Variants in MICAL3 observed in about 807,000 individuals in gnomAD.
MICAL3 encodes microtubule associated monooxygenase, calponin and LIM domain containing 3.
In MICAL3, 62 loss-of-function variants were observed where a neutral mutation model predicts 207.4. The observed-to-expected ratio is 0.30, with a 90% CI of 0.24 to 0.37. The LOEUF (loss-of-function observed/expected upper bound fraction) is 0.37. Ranked by LOEUF, MICAL3 falls within the 10% of genes least tolerant of loss-of-function variation. The probability of loss-of-function intolerance (pLI) is 1.00; values close to 1 mark genes in which losing one functional copy is unlikely to be tolerated. For missense variants in MICAL3, 2,368 were observed against 2,635.6 expected (o/e 0.90, Z 2.22); for synonymous variants, 1,077 against 1,069.3 (o/e 1.01, Z -0.14).
chr22:17,970,023 G>A (rs543597230), intron 1 of MICAL3, among the ~76,000 whole-genome samples: 1 of 152,192 alleles, frequency 6.6e-6, no homozygotes, highest in Non-Finnish European at 1.5e-5. Flanking sequence ...CCACATCTCT[G>A]CCCTGGCTGC....
At chr22:17,928,161 C>T (rs999844519) in intron 1 of MICAL3, among the ~76,000 whole-genome samples, 1 of 152,070 alleles carries the variant, frequency 6.6e-6, no homozygotes. Context: ...GTCCGTGGGC[C>T]GGGCGCGGTG....
intron 1 of MICAL3, among the ~76,000 whole-genome samples, chr22:17,961,443 C>A (rs1934909381): frequency 6.6e-6 from 1 of 152,170 alleles, no homozygotes; most frequent in African/African-American, 2.4e-5. Context: ...CCCCTTCCCC[C>A]TCAGATCTGA....
chr22:17,964,274 G>C (rs1036629370), intron 1 of MICAL3, among the ~76,000 whole-genome samples: 10 of 152,202 alleles, frequency 6.6e-5, no homozygotes, highest in Non-Finnish European at 1.2e-4. Context: ...GCATTCCACA[G>C]CACCAGGCTC....
chr22:17,888,203 T>C (rs191952190), intron 13 of MICAL3, among the ~76,000 whole-genome samples: 359 of 152,282 alleles, frequency 2.4e-3, no homozygotes, highest in African/African-American at 8.3e-3. Flanking sequence ...ACAAGATAGG[T>C]TGACGGAAAG....
chr22:17,941,994 C>G (rs1933828728), intron 1 of MICAL3, among the ~76,000 whole-genome samples: 1 of 152,234 alleles, frequency 6.6e-6, no homozygotes, highest in East Asian at 1.9e-4. Context: ...CGTCAACCAC[C>G]TGTGTGGCAA....
chr22:17,914,277 G>C (rs1472960694), intron 1 of MICAL3, among the ~76,000 whole-genome samples: 1 of 152,144 alleles, frequency 6.6e-6, no homozygotes, highest in East Asian at 1.9e-4. Flanking sequence ...TGGGTGGAGG[G>C]GGGTGCTAAA....
intron 24 of MICAL3, 117 bp from the exon 25 acceptor site, chr22:17,821,626 G>T (rs2305006): frequency 0.31 from 247,039 of 793,256 alleles, 40,382 homozygotes; most frequent in African/African-American, 0.35. Context: ...TCGCTGAGTC[G>T]GCTCCCAGTT....
chr22:17,954,603 C>T (rs1182528717), intron 1 of MICAL3, among the ~76,000 whole-genome samples: 2 of 152,182 alleles, frequency 1.3e-5, no homozygotes, highest in African/African-American at 4.8e-5. Context: ...ATTCAAAAGG[C>T]TGGCTAATGT....
chr22:17,834,414 C>G, intron 20 of MICAL3: 2 of 1,285,092 alleles, frequency 1.6e-6, no homozygotes, highest in Non-Finnish European at 2.0e-6. Flanking sequence ...AAAGGTGACA[C>G]AGAAAAGACT....
At chr22:17,918,390 C>T (rs1179480671) in intron 1 of MICAL3, among the ~76,000 whole-genome samples, 4 of 152,104 alleles carry the variant, frequency 2.6e-5, no homozygotes, top group Admixed American at 2.6e-4. Flanking sequence ...ATTAACATAT[C>T]TTAAGAAAAA....
At chr22:17,824,456 G>A (rs1375395641) in intron 22 of MICAL3, among the ~76,000 whole-genome samples, 1 of 152,198 alleles carries the variant, frequency 6.6e-6, no homozygotes, top group Non-Finnish European at 1.5e-5. Context: ...AGAAGATGCT[G>A]GCAACGTTTT....
chr22:17,946,861 C>G (rs1934092371), intron 1 of MICAL3, among the ~76,000 whole-genome samples: 1 of 152,202 alleles, frequency 6.6e-6, no homozygotes, highest in Non-Finnish European at 1.5e-5. Context: ...TTCCTGCCCT[C>G]TTCCCTGGGG....
intron 1 of MICAL3, among the ~76,000 whole-genome samples, chr22:17,924,270 G>T (rs1378650984): frequency 2.0e-5 from 3 of 152,168 alleles, no homozygotes; most frequent in Non-Finnish European, 4.4e-5. Context: ...AGAGCTCTGT[G>T]TCTGCAGTCA....
At chr22:17,952,684 G>C (rs1181006178) in intron 1 of MICAL3, among the ~76,000 whole-genome samples, 1 of 149,692 alleles carries the variant, frequency 6.7e-6, no homozygotes, top group Non-Finnish European at 1.5e-5. Flanking sequence ...GGGGTGGAGA[G>C]GTCCACACAG....
chr22:18,005,473 A>G (rs925007467), intron 1 of MICAL3: 1 of 152,164 alleles, frequency 6.6e-6, no homozygotes, highest in Non-Finnish European at 1.5e-5. Context: ...ACCTTTTTAC[A>G]TGTAACAACC....
At chr22:17,803,741 G>A (rs1459662653) in intron 29 of MICAL3, 5 of 756,290 alleles carry the variant, frequency 6.6e-6, no homozygotes, top group Non-Finnish European at 8.1e-6. Flanking sequence ...TTGTGAGCAG[G>A]GACTGGGAAG....
At chr22:17,797,034 C>T (rs550212222) in intron 29 of MICAL3, among the ~76,000 whole-genome samples, 2 of 152,246 alleles carry the variant, frequency 1.3e-5, no homozygotes, top group South Asian at 2.1e-4. Context: ...AGAAGACACC[C>T]GGGCAGCTGG....
At chr22:17,867,599 A>G (rs1469279402) in intron 17 of MICAL3, among the ~76,000 whole-genome samples, 1 of 152,112 alleles carries the variant, frequency 6.6e-6, no homozygotes, top group Non-Finnish European at 1.5e-5. Context: ...GTAACACATG[A>G]CCCAGGCCGC....
chr22:17,809,216 T>A (rs2062018084), intron 28 of MICAL3, among the ~76,000 whole-genome samples: 1 of 152,182 alleles, frequency 6.6e-6, no homozygotes, highest in Admixed American at 6.5e-5. Flanking sequence ...AGACAGGAAG[T>A]GGATGTAATC....
Sources: allele counts gnomAD v4.1 joint callset (sites outside exome capture counted in the v4.1 genomes callset), GRCh38; gene constraint gnomAD v4.1.1; transcripts MANE v1.5; gene names NCBI Gene and HGNC (gene_info 2026-07-23, HGNC 2026-07-21).